XKR9: variants seen among roughly 807,000 people sequenced by gnomAD.
XKR9 encodes XK-related protein 9.
A neutral mutation model predicts 32.0 loss-of-function variants in XKR9; 32 were observed. The ratio of observed to expected loss-of-function variants is 1.00; its 90% CI spans 0.76 to 1.34. The LOEUF is 1.34. Ranked by LOEUF, XKR9 falls within the 40% of genes most tolerant of loss-of-function variation. The pLI is 0.00. For missense variants in XKR9, 546 were observed against 429.7 expected (o/e 1.27, Z -2.39); for synonymous variants, 168 against 143.4 (o/e 1.17, Z -1.22).
chr8:70,718,956 C>A (rs1441075750), intron 4 of XKR9, among the ~76,000 whole-genome samples: 1 of 152,160 alleles, frequency 6.6e-6, no homozygotes. Flanking sequence ...ATTCTTATTT[C>A]TCCAGATACT....
the XKR9 span, among the ~76,000 whole-genome samples, chr8:70,957,675 G>T: frequency 1.3e-5 from 2 of 151,912 alleles, no homozygotes; most frequent in Non-Finnish European, 2.9e-5. Context: ...TGAGGATAAT[G>T]GCTTCCAGCT....
chr8:70,739,823 C>G (rs1218093120), downstream of XKR9, among the ~76,000 whole-genome samples: 1 of 152,186 alleles, frequency 6.6e-6, no homozygotes, highest in African/African-American at 2.4e-5. Flanking sequence ...TGTAGAGTTT[C>G]TGCCGAGAGA....
intron 2 of XKR9, among the ~76,000 whole-genome samples, chr8:70,772,529 A>G (rs1394629293): frequency 6.6e-6 from 1 of 152,288 alleles, no homozygotes; most frequent in South Asian, 2.1e-4. Flanking sequence ...CTTGGTTATT[A>G]TATCTTTCAC....
chr8:70,949,031 G>T, the XKR9 span, among the ~76,000 whole-genome samples: 1 of 152,134 alleles, frequency 6.6e-6, no homozygotes, highest in Non-Finnish European at 1.5e-5. Flanking sequence ...TTTACAAATT[G>T]TTCCTGGAAT....
the XKR9 span, among the ~76,000 whole-genome samples, chr8:70,971,533 G>T: frequency 5.8e-4 from 88 of 152,128 alleles, no homozygotes; most frequent in African/African-American, 2.1e-3. Context: ...TGAAATCTTT[G>T]CCTAAGCCAA....
chr8:70,915,352 G>T, the XKR9 span, among the ~76,000 whole-genome samples: 1 of 152,032 alleles, frequency 6.6e-6, no homozygotes, highest in African/African-American at 2.4e-5. Flanking sequence ...GGTAAGGAGG[G>T]GGTTTGTTTA....
chr8:70,809,411 G>C, the XKR9 span, among the ~76,000 whole-genome samples: 1 of 152,198 alleles, frequency 6.6e-6, no homozygotes, highest in Non-Finnish European at 1.5e-5. Context: ...AAGGAACGCA[G>C]CTCCTCACCA....
rs145284929 is a variant in XKR9 at position 70,757,909 on chromosome 8, G to A, written n.353-31430G>A. ...GCTGCTTTCCTTTATTTCTATAATG[G>A]CTACTTTGAACTATTTTTCTGTTAA... On this transcript the variant is annotated intron_variant and non_coding_transcript_variant, in intron 2 of 3. Transcript: ENST00000520273. Among the ~76,000 whole-genome samples, 99 of 152,206 alleles carry A rather than the reference G, an allele frequency of 6.5e-4. No homozygotes were observed. In the East Asian group the frequency reaches 0.018, roughly 27 times the overall value.
the XKR9 span, among the ~76,000 whole-genome samples, chr8:70,883,207 A>G: frequency 6.6e-6 from 1 of 151,408 alleles, no homozygotes; most frequent in Non-Finnish European, 1.5e-5. Context: ...TTAGGCTCCC[A>G]CTTATAAGTG....
the XKR9 span, among the ~76,000 whole-genome samples, chr8:70,826,250 G>A: frequency 2.0e-5 from 3 of 152,010 alleles, no homozygotes; most frequent in African/African-American, 4.8e-5. Context: ...AGTGTGGACC[G>A]CAAAAATCAG....
chr8:71,042,882 G>A, the XKR9 span, among the ~76,000 whole-genome samples: 4 of 152,012 alleles, frequency 2.6e-5, no homozygotes, highest in Non-Finnish European at 4.4e-5. Context: ...TTCCCTCCTT[G>A]GTCACCACAC....
intron 3 of XKR9, among the ~76,000 whole-genome samples, chr8:70,682,202 CAAT>C (rs1819104603): frequency 6.6e-6 from 1 of 151,768 alleles, no homozygotes; most frequent in African/African-American, 2.4e-5. Context: ...TGCACATTCT[CAAT>C]AAGACAAAAA....
chr8:70,770,552 GGACTTTTATCTGTAAGCCCCT>G (rs1807440023), intron 2 of XKR9, among the ~76,000 whole-genome samples: 1 of 152,152 alleles, frequency 6.6e-6, no homozygotes, highest in African/African-American at 2.4e-5. Context: ...CAGGGAGATG[GGACTTTTATCTGTAAGCCCCT>G]GACTGGGGCT....
the XKR9 span, among the ~76,000 whole-genome samples, chr8:71,051,454 C>G: frequency 2.6e-5 from 4 of 151,870 alleles, no homozygotes; most frequent in African/African-American, 9.7e-5. Context: ...AGGAATTGTT[C>G]TATAAATCAC....
the XKR9 span, among the ~76,000 whole-genome samples, chr8:70,986,196 T>G: frequency 1.3e-5 from 2 of 152,192 alleles, no homozygotes; most frequent in Non-Finnish European, 2.9e-5. Flanking sequence ...CAGATTCTGT[T>G]TATTTATTCT....
At chr8:70,947,702 A>T in the XKR9 span, among the ~76,000 whole-genome samples, 1 of 152,226 alleles carries the variant, frequency 6.6e-6, no homozygotes, top group Non-Finnish European at 1.5e-5. Context: ...TTGCTTGGTT[A>T]TACCAGGACT....
At chr8:70,922,144 G>A in the XKR9 span, among the ~76,000 whole-genome samples, 1 of 152,112 alleles carries the variant, frequency 6.6e-6, no homozygotes, top group Non-Finnish European at 1.5e-5. Flanking sequence ...TACCTCTGAG[G>A]AATAACCACA....
At chr8:71,026,911 T>C in the XKR9 span, among the ~76,000 whole-genome samples, 1 of 152,228 alleles carries the variant, frequency 6.6e-6, no homozygotes, top group Non-Finnish European at 1.5e-5. Flanking sequence ...TGGATATTAC[T>C]AGAACCAGAA....
intron 4 of XKR9, among the ~76,000 whole-genome samples, chr8:70,713,537 T>A (rs988968094): frequency 5.3e-5 from 8 of 152,008 alleles, no homozygotes; most frequent in African/African-American, 1.9e-4. Flanking sequence ...AAAACAGAAA[T>A]GTTCTGAGGC....
Sources: gnomAD v4.1 joint callset for allele counts (sites outside exome capture counted in the v4.1 genomes callset) on GRCh38, gnomAD v4.1.1 for gene constraint, MANE v1.5 for transcripts, NCBI Gene and HGNC (gene_info 2026-07-23, HGNC 2026-07-21) for gene names.